Variants in CDH23 observed in about 807,000 individuals in gnomAD.
The protein encoded by CDH23 is cadherin-23.
Under a neutral mutation model 317.1 loss-of-function variants are expected in CDH23, and 189 were observed. That is an observed-to-expected ratio of 0.60 (90% CI 0.53 to 0.67). The LOEUF (loss-of-function observed/expected upper bound fraction) is 0.67, where lower values mean the gene tolerates loss of function less well. CDH23 is among the 30% of genes least tolerant of loss of function. CDH23 has a pLI of 0.00. For synonymous variants in CDH23, 1,839 were observed against 1,876.8 expected (o/e 0.98, Z 0.52); for missense variants, 4,401 against 4,592.4 (o/e 0.96, Z 1.20).
chr10:71,760,911 T>C, intron 38 of CDH23: 2 of 1,613,840 alleles, frequency 1.2e-6, no homozygotes, highest in Non-Finnish European at 1.7e-6. Context: ...CACAGTTGGA[T>C]GGTGCATCTT....
chr10:71,517,976 G>A (rs1854436887), intron 6 of CDH23, among the ~76,000 whole-genome samples: 1 of 152,182 alleles, frequency 6.6e-6, no homozygotes, highest in African/African-American at 2.4e-5. Context: ...GCGGCAGCCA[G>A]GACAGCAAGC....
At chr10:71,613,570 G>A (rs1861027228) in intron 9 of CDH23, among the ~76,000 whole-genome samples, 2 of 152,242 alleles carry the variant, frequency 1.3e-5, no homozygotes, top group Non-Finnish European at 2.9e-5. Context: ...TTGGGTAGAA[G>A]TAAGCTGCCT....
chr10:71,626,720 G>T (rs150003666), intron 11 of CDH23, among the ~76,000 whole-genome samples: 1 of 152,206 alleles, frequency 6.6e-6, no homozygotes, highest in Non-Finnish European at 1.5e-5. Context: ...CCAGCATCCC[G>T]TGGGGCAGAT....
At chr10:71,441,575 T>C (rs1184676773) in intron 2 of CDH23, among the ~76,000 whole-genome samples, 1 of 151,908 alleles carries the variant, frequency 6.6e-6, no homozygotes, top group Non-Finnish European at 1.5e-5. Flanking sequence ...AAAAATTAGC[T>C]GGACATGGTG....
intron 60 of CDH23, among the ~76,000 whole-genome samples, chr10:71,808,988 C>T (rs1841826994): frequency 6.6e-6 from 1 of 152,148 alleles, no homozygotes; most frequent in Non-Finnish European, 1.5e-5. Context: ...TCCCTTTGTC[C>T]TCTGAGCTCT....
intron 6 of CDH23, among the ~76,000 whole-genome samples, chr10:71,531,428 A>G (rs767823998): frequency 6.6e-5 from 10 of 152,114 alleles, no homozygotes; most frequent in Non-Finnish European, 1.5e-4. Context: ...AAAATATTGT[A>G]TTTTCCAATT....
chr10:71,712,921 G>A lies in CDH23; in HGVS notation c.3369+108G>A, dbSNP rs1589362184. 1.2e-5 allele frequency: 16 copies of A among 1,333,508 alleles called. 1 individual carries two copies. The highest frequency in any genetic ancestry group is 4.0e-5 in the Admixed American group (2 of 50,376). 82.6% of individuals were successfully genotyped at this position (1,333,508 alleles called of 1,614,324 possible). A position where few individuals can be genotyped will look rare whatever the true frequency, so the allele number is the denominator to read the frequency against. On this transcript the variant is annotated intron_variant, in intron 28 of 69. Transcript: ENST00000224721. ...GCACCAGAGGCGGAAGCAGGTGGGG[G>A]CCCAGGGTGGGTCCGCTGCTCTGGA...
intron 6 of CDH23, among the ~76,000 whole-genome samples, chr10:71,533,473 T>C (rs1855516133): frequency 1.3e-5 from 2 of 150,362 alleles, no homozygotes; most frequent in African/African-American, 4.9e-5. Flanking sequence ...TGTGGTCTAA[T>C]GAGGGAGACA....
chr10:71,776,173 T>C (rs1191624483), intron 38 of CDH23, among the ~76,000 whole-genome samples: 2 of 152,150 alleles, frequency 1.3e-5, no homozygotes, highest in Admixed American at 6.5e-5. Flanking sequence ...CTGCCAACCC[T>C]ATCTGCTTTG....
At chr10:71,590,896 AC>A (rs60584335) in intron 9 of CDH23, among the ~76,000 whole-genome samples, 4,546 of 93,892 alleles carry the variant, frequency 0.048, 476 homozygotes, top group Non-Finnish European at 0.059. Context: ...ACAAAAAAAA[AC>A]AAAAAAAAAC....
In CDH23 at chr10:71,755,050, G is replaced by A. The variant is rs985702247; in HGVS notation, c.4845+13129G>A. The A allele has an allele frequency of 9.4e-6, 5 of 530,200 alleles. No homozygotes were observed. In the African/African-American group the frequency reaches 9.4e-5, roughly 10 times the overall value. 32.8% of individuals were successfully genotyped at this position (530,200 alleles called of 1,614,324 possible). A position where few individuals can be genotyped will look rare whatever the true frequency, so the allele number is the denominator to read the frequency against. ...GTCCCCCAAGGATCTCTGAGTGGCA[G>A]CAACTTGCTTTTATAAAGCAACTTG... On this transcript the variant is annotated intron_variant, in intron 38 of 69. Coordinates refer to ENST00000224721, the MANE Select transcript of CDH23 (RefSeq NM_022124.6).
In CDH23 at chr10:71,679,484, G is replaced by A. The variant is rs569498571; in HGVS notation, c.1850G>A (p.Gly617Asp). ...GSYFDISLYE[G>D]YGVISVSRPL... ...TACTTCGACATCAGCCTGTACGAGG[G>A]CTATGGAGGTAGGTGTGGGGCAGAA... The change falls in exon 17 of 70, where the codon GGC becomes GAC. Residue 617 changes from glycine (G) to aspartate (D), a missense_variant. By Grantham distance (94) the Gly-to-Asp change is moderately conservative. Around this residue, in one of 3 missense-constraint regions of CDH23, gnomAD observed 3,068 missense variants for 3,203.3 expected, o/e 0.96. Coordinates refer to ENST00000224721, the MANE Select transcript of CDH23 (RefSeq NM_022124.6). 1.9e-6 allele frequency: 3 copies of A among 1,608,072 alleles called. 1 individual carries two copies. Among genetic ancestry groups the A allele is most frequent in the Admixed American group, 3.4e-5 (2 of 58,898 alleles).
intron 9 of CDH23, among the ~76,000 whole-genome samples, chr10:71,586,603 C>T (rs1336251059): frequency 6.6e-6 from 1 of 152,076 alleles, no homozygotes; most frequent in Non-Finnish European, 1.5e-5. Context: ...CATACCTTAC[C>T]CACACCTTAC....
chr10:71,431,271 T>C (rs1042922548), intron 1 of CDH23, among the ~76,000 whole-genome samples: 26 of 152,240 alleles, frequency 1.7e-4, no homozygotes, highest in African/African-American at 6.3e-4. Flanking sequence ...CTGATGTCTG[T>C]GGCTCCCCAC....
rs1236300177 is a variant in CDH23 at position 71,751,401 on chromosome 10, C to T, written c.4845+9480C>T. The T allele has an allele frequency of 1.8e-6, 1 of 564,926 alleles. No individual in the cohort carries two copies. The highest frequency in any genetic ancestry group is 2.1e-5 in the African/African-American group (1 of 47,518). 35.0% of individuals were successfully genotyped at this position (564,926 alleles called of 1,614,324 possible). On this transcript the variant is annotated intron_variant, in intron 38 of 69. Transcript: ENST00000224721. The surrounding 1 kb of genome is among the most constrained non-coding windows in gnomAD (Gnocchi z 4.9). ...GGAGGTGAATGGGGGCCCCTCTGTC[C>T]CTCACCCTCAACCCCACCCCGTGAG... is the stretch of plus-strand genomic sequence containing the variant.
chr10:71,677,749 C>T (rs1864436389), intron 16 of CDH23, 56 bp downstream of exon 16: 1 of 1,363,054 alleles, frequency 7.3e-7, no homozygotes, highest in African/African-American at 1.4e-5. Context: ...TCTCCCTGTA[C>T]TTGCTTGCTT....
At chr10:71,605,866 T>C (rs560104507) in intron 9 of CDH23, among the ~76,000 whole-genome samples, 1 of 152,336 alleles carries the variant, frequency 6.6e-6, no homozygotes, top group East Asian at 1.9e-4. Flanking sequence ...GATTATTCCC[T>C]TTGAAGAAAT....
intron 22 of CDH23, among the ~76,000 whole-genome samples, chr10:71,699,787 G>T (rs780591451): frequency 2.6e-5 from 4 of 152,208 alleles, no homozygotes; most frequent in Non-Finnish European, 4.4e-5. Flanking sequence ...AAATCGCCCA[G>T]CAGGGAGCCT....
intron 3 of CDH23, among the ~76,000 whole-genome samples, chr10:71,501,729 G>C (rs1589141151): frequency 6.6e-6 from 1 of 152,360 alleles, no homozygotes; most frequent in East Asian, 1.9e-4. Flanking sequence ...TCCCAGAGGA[G>C]AGACAAATGA....
Sources: gnomAD v4.1 joint callset for allele counts (sites outside exome capture counted in the v4.1 genomes callset) on GRCh38, gnomAD v4.1.1 for gene constraint, gnomAD v4.1.1 regional missense constraint, Gnocchi (gnomAD v3.1) non-coding constraint, MANE v1.5 for transcripts, NCBI Gene and HGNC (gene_info 2026-07-23, HGNC 2026-07-21) for gene names.